The following NBPF15 variants were observed in gnomAD, a reference collection of about 807,000 sequenced individuals.
NBPF15 encodes the protein NBPF family member NBPF15.
NBPF15 carries 74 observed loss-of-function variants against 62.2 expected under a neutral mutation model. The ratio of observed to expected loss-of-function variants is 1.19; its 90% CI spans 0.99 to 1.44. The LOEUF (loss-of-function observed/expected upper bound fraction) is 1.44. Among genes scored for constraint, NBPF15 ranks in the 40% most tolerant of loss-of-function variants. The pLI is 0.00. For synonymous variants in NBPF15, 244 were observed against 209.7 expected (o/e 1.16, Z -1.41); for missense variants, 790 against 550.0 (o/e 1.44, Z -4.36).
intron 6 of NBPF15, among the ~76,000 whole-genome samples, chr1:144,444,410 T>A (rs1382912246): frequency 1.3e-5 from 2 of 151,750 alleles, no homozygotes; most frequent in Non-Finnish European, 2.9e-5. Context: ...CATTTAGTAT[T>A]AAATAAGTTT....
rs1490030769 is a variant in NBPF15 at position 144,439,928 on chromosome 1, G to A, written c.76C>T (p.Pro26Ser). 6.2e-7 allele frequency: 1 copy of A among 1,611,262 alleles called. No individual in the cohort carries two copies. The highest frequency in any genetic ancestry group is 1.3e-5 in the African/African-American group (1 of 74,738). ...NILEINEKLR[P>S]QLAEKKQQFR... is the part of the protein sequence containing the mutation. ...TGCTGTTTCTTCTCTGCCAACTGGG[G>A]GCGCAATTTCTCATTGATTTCTAGA... Residue 26 changes from proline to serine, a missense_variant, in exon 8 of 22, where the codon CCC becomes TCC. Transcript: ENST00000581897.
At chr1:144,453,320 A>G (rs1692352813) in intron 4 of NBPF15, among the ~76,000 whole-genome samples, 1 of 151,940 alleles carries the variant, frequency 6.6e-6, no homozygotes, top group Non-Finnish European at 1.5e-5. Context: ...TGCATGTTAT[A>G]CCCTTTATAA....
chr1:144,436,030 G>A (rs1266318865), intron 10 of NBPF15, among the ~76,000 whole-genome samples, 177 bp from the exon 11 acceptor site: 5 of 150,598 alleles, frequency 3.3e-5, no homozygotes, highest in African/African-American at 4.9e-5. Flanking sequence ...ATCAGGCAAT[G>A]CATTTCTGAT....
Position 144,423,087 on chromosome 1 carries a change from C to A in NBPF15, c.1939G>T (p.Asp647Tyr), listed in dbSNP as rs587728427. ...ACCGTCAAAGTAAAAAACCTATTGT[C>A]CACGTAAAGGGCGAAGCTGATATGC... ...EEHISFALYV[D>Y]NRFFTLTVTS... Residue 647 changes from aspartate (D) to tyrosine (Y), a missense_variant, in exon 22 of 22, where the codon GAC becomes TAC. By Grantham distance (160) the Asp-to-Tyr change is radical (BLOSUM62 -3). Transcript: ENST00000581897. The A allele has an allele frequency of 1.6e-5, 26 of 1,611,586 alleles. No homozygotes were observed. Among genetic ancestry groups the A allele is most frequent in the East Asian group, 2.2e-5 (1 of 44,870 alleles).
At chr1:144,430,427 T>C (rs1309176317) in intron 13 of NBPF15, among the ~76,000 whole-genome samples, 1 of 149,302 alleles carries the variant, frequency 6.7e-6, no homozygotes, top group African/African-American at 2.5e-5. Context: ...GAAATCCCTG[T>C]TTGAGGGTCT....
intron 2 of NBPF15, among the ~76,000 whole-genome samples, chr1:144,460,026 CTTT>C (rs150839897): frequency 2.7e-3 from 53 of 19,510 alleles, no homozygotes; most frequent in African/African-American, 0.011. Context: ...ATTACCTGTA[CTTT>C]TTTTTTTTTT....
intron 13 of NBPF15, among the ~76,000 whole-genome samples, chr1:144,432,383 G>C (rs1675008404): frequency 2.6e-5 from 4 of 151,942 alleles, no homozygotes; most frequent in Admixed American, 2.6e-4. Flanking sequence ...ATTGACGCTA[G>C]GAAGAAACTG....
intron 16 of NBPF15, among the ~76,000 whole-genome samples, 158 bp from the exon 17 acceptor site, chr1:144,427,256 T>C (rs1236094750): frequency 5.8e-4 from 86 of 147,492 alleles, no homozygotes; most frequent in African/African-American, 2.1e-3. Context: ...CTGATCACCA[T>C]AGAGATTCCT....
chr1:144,424,475 C>T (rs797026315), intron 20 of NBPF15, among the ~76,000 whole-genome samples: 18 of 151,948 alleles, frequency 1.2e-4, no homozygotes, highest in Admixed American at 9.3e-4. Context: ...GTGCCACAGG[C>T]ATGGCCTGAG....
In NBPF15 at chr1:144,422,915, G is replaced by C. The variant is rs1666689109; in HGVS notation, c.*98C>G. The C allele has an allele frequency of 3.7e-6, 6 of 1,610,386 alleles. No individual in the cohort carries two copies. The highest frequency in any genetic ancestry group is 8.5e-7 in the Non-Finnish European group (1 of 1,179,100). On this transcript the variant is annotated 3_prime_UTR_variant, in exon 22 of 22. Coordinates refer to ENST00000581897, the MANE Select transcript of NBPF15 (RefSeq NM_001385408.1). ...AGCCATGCTCACTGACCCATCCTAT[G>C]TCTGGGCTTCCAAATGGAACTGTAC...
At chr1:144,432,001 C>T (rs1301186672) in intron 13 of NBPF15, among the ~76,000 whole-genome samples, 3 of 151,572 alleles carry the variant, frequency 2.0e-5, no homozygotes, top group Admixed American at 6.6e-5. Flanking sequence ...CATTTGGGTA[C>T]ACACCCAGTA....
In NBPF15 at chr1:144,430,890, T is replaced by C. The variant is rs1296717716; in HGVS notation, c.825-1027A>G. Among the ~76,000 whole-genome samples, 146 of 152,144 alleles carry C rather than the reference T, an allele frequency of 9.6e-4. 5 individuals are homozygous for C. Among genetic ancestry groups the C allele is most frequent in the Non-Finnish European group, 1.8e-3 (121 of 67,978 alleles). ...GTAGAGAAGACCTTAAATGACCTGA[T>C]GGAGCTGAAAACCATGGCACGAGAA... On this transcript the variant is annotated intron_variant, in intron 13 of 21. Transcript: ENST00000581897.
intron 13 of NBPF15, among the ~76,000 whole-genome samples, chr1:144,431,237 C>T (rs1254703917): frequency 6.6e-6 from 1 of 150,774 alleles, no homozygotes; most frequent in South Asian, 2.1e-4. Flanking sequence ...CATAAAGATA[C>T]TCCTCGAGAA....
intron 3 of NBPF15, among the ~76,000 whole-genome samples, chr1:144,457,415 C>T (rs1553547275): frequency 6.6e-6 from 1 of 151,938 alleles, no homozygotes. Context: ...ATCTTAGCAG[C>T]AACACATACA....
rs75136076 is a variant in NBPF15, at chr1:144,455,584, C to T, written c.-432+953G>A. ...TCCCAGAACACCAGGCCGCAACCTT[C>T]CCTGCTGCTCCTTGTCCACTCCAGA... On this transcript the variant is annotated intron_variant, in intron 4 of 21. Coordinates refer to ENST00000581897, the MANE Select transcript of NBPF15 (RefSeq NM_001385408.1). Among the ~76,000 whole-genome samples, 11 of 152,144 alleles carry T rather than the reference C, an allele frequency of 7.2e-5. No homozygotes were observed. In the South Asian group the frequency reaches 1.5e-3, roughly 20 times the overall value.
intron 3 of NBPF15, among the ~76,000 whole-genome samples, chr1:144,458,199 A>C (rs1553547559): frequency 6.6e-6 from 1 of 152,044 alleles, no homozygotes; most frequent in Non-Finnish European, 1.5e-5. Context: ...TTTAGGTACG[A>C]TCCATAAAGT....
intron 10 of NBPF15, among the ~76,000 whole-genome samples, 163 bp downstream of exon 10, chr1:144,436,732 T>C (rs1384944289): frequency 6.6e-6 from 1 of 151,932 alleles, no homozygotes; most frequent in Non-Finnish European, 1.5e-5. Flanking sequence ...ACCCCATGGG[T>C]TTCCCATCTC....
chr1:144,440,919 C>T (rs1267358341), intron 6 of NBPF15, among the ~76,000 whole-genome samples: 3 of 151,736 alleles, frequency 2.0e-5, no homozygotes, highest in Non-Finnish European at 2.9e-5. Context: ...TCTGCCGCCT[C>T]GGCCTCCCAA....
intron 6 of NBPF15, among the ~76,000 whole-genome samples, chr1:144,441,464 TACTGG>T (rs1355614746): frequency 1.1e-4 from 16 of 150,486 alleles, no homozygotes; most frequent in African/African-American, 3.7e-4. Flanking sequence ...TTCATTGATA[TACTGG>T]GCTGTTTGTC....
Sources: gnomAD v4.1 joint callset for allele counts (sites outside exome capture counted in the v4.1 genomes callset) on GRCh38, gnomAD v4.1.1 for gene constraint, MANE v1.5 for transcripts, NCBI Gene and HGNC (gene_info 2026-07-23, HGNC 2026-07-21) for gene names.